CSMD3: variants seen among roughly 807,000 people sequenced by gnomAD.
CSMD3 encodes the protein CUB and Sushi multiple domains 3.
CSMD3 carries 177 observed loss-of-function variants against 435.2 expected under a neutral mutation model. That is an observed-to-expected ratio of 0.41 (90% CI 0.36 to 0.46). The LOEUF (loss-of-function observed/expected upper bound fraction) is 0.46, where lower values mean the gene tolerates loss of function less well. Among genes scored for constraint, CSMD3 ranks in the 20% least tolerant of loss-of-function variants. The pLI is 0.34. For missense variants in CSMD3, 4,265 were observed against 4,504.6 expected, an observed-to-expected ratio of 0.95 and a Z score of 1.52; for synonymous variants, 1,656 against 1,520.5, an observed-to-expected ratio of 1.09 and a Z score of -2.07.
In CSMD3 at chr8:113,259,269, C is replaced by A. The variant is rs143519288; in HGVS notation, c.514+19323G>T. Among the ~76,000 whole-genome samples, 270 of 152,182 alleles carry A rather than the reference C, an allele frequency of 1.8e-3. 1 individual carries two copies. Among genetic ancestry groups the A allele is most frequent in the Non-Finnish European group, 3.3e-3 (225 of 67,992 alleles). ...CAGAACTTGATAAAGGGTACGTTTT[C>A]ATTTTCCCATGTTTGCACTTCTGCT... On this transcript the variant is annotated intron_variant, in intron 3 of 70. Coordinates refer to ENST00000297405, the MANE Select transcript of CSMD3 (RefSeq NM_198123.2).
At chr8:112,353,168 A>C (rs1045425658) in intron 38 of CSMD3, among the ~76,000 whole-genome samples, 6 of 152,146 alleles carry the variant, frequency 3.9e-5, no homozygotes, top group Admixed American at 1.3e-4. Flanking sequence ...AGGTGGGTGG[A>C]TCACCTGTGG....
chr8:113,024,921 C>G (rs949656856), intron 5 of CSMD3, among the ~76,000 whole-genome samples: 4 of 152,196 alleles, frequency 2.6e-5, no homozygotes, highest in South Asian at 4.1e-4. Flanking sequence ...TATCATTCCA[C>G]GCTCTACCTC....
chr8:112,567,917 C>T (rs1013224671), intron 24 of CSMD3, among the ~76,000 whole-genome samples: 3 of 152,140 alleles, frequency 2.0e-5, no homozygotes, highest in African/African-American at 7.2e-5. Flanking sequence ...TAACAAGTAA[C>T]TTGTGTCGCG....
chr8:112,993,622 G>A (rs1270846142), intron 6 of CSMD3, among the ~76,000 whole-genome samples: 1 of 151,618 alleles, frequency 6.6e-6, no homozygotes, highest in Non-Finnish European at 1.5e-5. Context: ...TATTTTTAGA[G>A]GGGTACAGAA....
At chr8:113,155,297 G>A (rs1340507386) in intron 4 of CSMD3, among the ~76,000 whole-genome samples, 1 of 151,972 alleles carries the variant, frequency 6.6e-6, no homozygotes, top group Non-Finnish European at 1.5e-5. Context: ...AAATAAGGAT[G>A]ACTTCACAGG....
chr8:112,819,784 G>C (rs929769397), intron 12 of CSMD3, among the ~76,000 whole-genome samples: 3 of 152,076 alleles, frequency 2.0e-5, no homozygotes, highest in African/African-American at 7.3e-5. Flanking sequence ...ACATGATGAA[G>C]TATTTATACT....
At chr8:113,146,651 T>C (rs992662649) in intron 4 of CSMD3, among the ~76,000 whole-genome samples, 3 of 151,452 alleles carry the variant, frequency 2.0e-5, no homozygotes, top group Non-Finnish European at 4.4e-5. Context: ...ATGAACAAAT[T>C]TGAGTGGGTA....
chr8:112,313,902 A>C lies in CSMD3; in HGVS notation c.7696+4T>G, dbSNP rs1304569361. ...TCTGTCCTGAAGTTATAAGTTTTAC[A>C]TACCTATATATCTTATCCGGAAGCC... is the stretch of plus-strand genomic sequence containing the variant. On this transcript the variant is annotated splice_donor_region_variant and intron_variant, in intron 49 of 70. Coordinates refer to ENST00000297405, the MANE Select transcript of CSMD3 (RefSeq NM_198123.2). The C allele has an allele frequency of 6.2e-7, 1 of 1,606,996 alleles. No homozygotes were observed. Among genetic ancestry groups the C allele is most frequent in the South Asian group, 1.1e-5 (1 of 90,954 alleles).
At chr8:112,647,407 T>C (rs1367419161) in intron 19 of CSMD3, among the ~76,000 whole-genome samples, 5 of 151,444 alleles carry the variant, frequency 3.3e-5, no homozygotes, top group Non-Finnish European at 7.4e-5. Context: ...GTTCACGCCA[T>C]TCTCCTGCCT....
chr8:112,890,902 G>T (rs1402277973), intron 10 of CSMD3, among the ~76,000 whole-genome samples: 2 of 151,598 alleles, frequency 1.3e-5, no homozygotes, highest in African/African-American at 4.8e-5. Context: ...GAGAGCTAAG[G>T]ATTGCTACAT....
chr8:113,129,366 T>C (rs1006572042), intron 4 of CSMD3, among the ~76,000 whole-genome samples: 5 of 152,110 alleles, frequency 3.3e-5, no homozygotes, highest in Non-Finnish European at 7.4e-5. Flanking sequence ...ACATGCTCTA[T>C]ATTCCTTCAG....
At chr8:112,413,675 C>T (rs1168651014) in intron 32 of CSMD3, among the ~76,000 whole-genome samples, 1 of 152,112 alleles carries the variant, frequency 6.6e-6, no homozygotes, top group Non-Finnish European at 1.5e-5. Context: ...CAGGGGAGGG[C>T]CTTTGCTTAG....
chr8:113,312,126 T>G (rs900467568), intron 2 of CSMD3: 10 of 152,046 alleles, frequency 6.6e-5, no homozygotes, highest in Admixed American at 2.0e-4. Flanking sequence ...CTACATAGAA[T>G]TATATATATT....
intron 13 of CSMD3, among the ~76,000 whole-genome samples, chr8:112,796,331 T>C (rs2078828647): frequency 6.6e-6 from 1 of 152,112 alleles, no homozygotes; most frequent in African/African-American, 2.4e-5. Context: ...ATGTTAGGCA[T>C]CAGGCTAGAT....
At chr8:112,947,448 C>A (rs911087300) in intron 9 of CSMD3, among the ~76,000 whole-genome samples, 7 of 151,664 alleles carry the variant, frequency 4.6e-5, no homozygotes, top group African/African-American at 1.7e-4. Context: ...GAAGAAGAAA[C>A]TCAGGCAAAC....
intron 20 of CSMD3, among the ~76,000 whole-genome samples, chr8:112,643,786 C>A (rs1017685462): frequency 6.6e-6 from 1 of 151,222 alleles, no homozygotes; most frequent in African/African-American, 2.5e-5. Context: ...ATTTTAACAA[C>A]GCTTTTTCTC....
In CSMD3 at chr8:113,068,849, A is replaced by G. The variant is rs1409124782; in HGVS notation, c.917+29907T>C. Among the ~76,000 whole-genome samples the G allele has an allele frequency of 2.0e-5, 3 of 151,286 alleles. No individual in the cohort carries two copies. In the East Asian group the frequency reaches 5.8e-4, roughly 29 times the overall value. On this transcript the variant is annotated intron_variant, in intron 5 of 70. Transcript: ENST00000297405. ...TGATGTTCTTGCTATTTTTTCTTCT[A>G]TTTGACTGTTGATGCTCTTGCTGGT...
chr8:112,352,336 C>A, intron 39 of CSMD3, 80 bp downstream of exon 39: 1 of 1,598,790 alleles, frequency 6.3e-7, no homozygotes, highest in African/African-American at 1.3e-5. Flanking sequence ...TTGTAAAACC[C>A]GTGGCTTATC....
chr8:113,322,685 A>G (rs186752323), intron 1 of CSMD3, among the ~76,000 whole-genome samples: 21 of 152,270 alleles, frequency 1.4e-4, no homozygotes, highest in Admixed American at 2.6e-4. Context: ...GAGAGCTAAC[A>G]TTTTGCCATA....
Sources: allele counts gnomAD v4.1 joint callset (sites outside exome capture counted in the v4.1 genomes callset), GRCh38; gene constraint gnomAD v4.1.1; transcripts MANE v1.5; gene names NCBI Gene and HGNC (gene_info 2026-07-23, HGNC 2026-07-21).